Variants in GJB1 observed in about 807,000 individuals in gnomAD.
GJB1 encodes the protein gap junction protein beta 1.
GJB1 carries 1 observed loss-of-function variant against 12.0 expected under a neutral mutation model. That is an observed-to-expected ratio of 0.08 (90% confidence interval 0.03 to 0.40). The LOEUF is 0.40. Among genes scored for constraint, GJB1 ranks in the 10% least tolerant of loss-of-function variants. The pLI, the probability that GJB1 is intolerant of heterozygous loss-of-function variation, is 0.98. For synonymous variants in GJB1, 114 were observed against 102.8 expected (o/e 1.11, Z -0.66); for missense variants, 140 against 250.3 (o/e 0.56, Z 2.97).
rs776040132 is a variant in GJB1, at chrX:71,224,280, C to T, written c.573C>T (p.Thr191=). 10 of 1,208,403 alleles carry T rather than the reference C, an allele frequency of 8.3e-6. No individual in the cohort carries two copies. The South Asian group carries it at 1.1e-4, about 13-fold the overall frequency. The change falls in exon 2 of 2, where the codon ACC becomes ACT. Residue 191 remains threonine, a synonymous_variant. Transcript: ENST00000361726. The part of the protein sequence containing the change: ...VSRPTEKTVF[T]VFMLAASGIC... ...GCCCCACCGAGAAAACCGTCTTCAC[C>T]GTCTTCATGCTAGCTGCCTCTGGCA...
intron 1 of GJB1, chrX:71,217,826 A>G (rs949064183): frequency 1.3e-5 from 1 of 79,838 alleles, no homozygotes; most frequent in Non-Finnish European, 2.3e-5. Flanking sequence ...TGTCTGTGGC[A>G]CACCCCTGAA....
At chrX:71,216,568 C>T (rs190317596) in intron 1 of GJB1, among the ~76,000 whole-genome samples, 2 of 109,078 alleles carry the variant, frequency 1.8e-5, no homozygotes, top group Non-Finnish European at 3.8e-5. Context: ...ATAACCCAAG[C>T]AGAGAGCAAC....
chrX:71,222,528 C>A (rs541021984), upstream of GJB1: 1 of 95,542 alleles, frequency 1.0e-5, no homozygotes, highest in Admixed American at 1.2e-4. Flanking sequence ...GCGTGAGCAA[C>A]GGCGCCCAGC....
upstream of GJB1, chrX:71,222,894 G>C (rs1445860654): frequency 9.0e-6 from 1 of 111,547 alleles, no homozygotes. Flanking sequence ...AGCTTCTGAC[G>C]GGGCCATGGG....
rs183702021 is a variant in GJB1 at position 71,223,737 on chromosome X, C to T, written c.30C>T (p.Leu10=). 3.2e-4 allele frequency: 390 copies of T among 1,208,568 alleles called. 3 individuals carry two copies. In the East Asian group the frequency reaches 8.3e-3, roughly 26 times the overall value. Residue 10 remains leucine, a synonymous_variant, in exon 2 of 2, where the codon CTC becomes CTT. Transcript: ENST00000361726. ...ACTGGACAGGTTTGTACACCTTGCT[C>T]AGTGGCGTGAACCGGCATTCTACTG... The part of the protein sequence containing the change: MNWTGLYTL[L]SGVNRHSTAI...
chrX:71,219,076 T>C (rs999592647), upstream of GJB1, among the ~76,000 whole-genome samples: 2 of 110,404 alleles, frequency 1.8e-5, no homozygotes, highest in Admixed American at 9.8e-5. Flanking sequence ...TGACAGTGCA[T>C]GTGCAGGGGC....
intron 1 of GJB1, 84 bp from the exon 2 acceptor site, chrX:71,223,608 A>C: frequency 3.4e-6 from 3 of 887,085 alleles, no homozygotes; most frequent in Non-Finnish European, 4.9e-6. Context: ...GGAAGAGTTG[A>C]GGGGGGGTGC....
At chrX:71,223,442 AG>A in intron 1 of GJB1, 107 bp downstream of exon 1, 1 of 433,893 alleles carries the variant, frequency 2.3e-6, no homozygotes, top group Non-Finnish European at 4.0e-6. Flanking sequence ...TGGCAAAGAA[AG>A]GGGCTGGCGG....
In GJB1 at chrX:71,224,400, G is replaced by A. The variant is rs982086080; in HGVS notation, c.693G>A (p.Lys231=). 8.3e-7 allele frequency: 1 copy of A among 1,210,575 alleles called. No individual in the cohort carries two copies. The highest frequency in any genetic ancestry group is 1.7e-5 in the African/African-American group (1 of 57,806). The change falls in exon 2 of 2, where the codon AAG becomes AAA. Residue 231 remains lysine, a synonymous_variant. Transcript: ENST00000361726. ...GCCGCTCCAATCCACCTTCCCGCAAGGGCTCGGGCTTCGGCCACCGCCTCT... is the reference window on the plus strand; with the variant it reads ...GCCGCTCCAATCCACCTTCCCGCAAAGGCTCGGGCTTCGGCCACCGCCTCT... The part of the protein sequence containing the change: ...AQRRSNPPSR[K]GSGFGHRLSP...
upstream of GJB1, among the ~76,000 whole-genome samples, chrX:71,218,766 G>C (rs766459897): frequency 7.6e-5 from 8 of 105,340 alleles, no homozygotes; most frequent in South Asian, 3.0e-3. Flanking sequence ...GGCGCCTGTA[G>C]TCCCAGCTAC....
At chrX:71,221,202 A>G (rs953044359), upstream of GJB1, among the ~76,000 whole-genome samples, 1 of 111,911 alleles carries the variant, frequency 8.9e-6, no homozygotes, top group Non-Finnish European at 1.9e-5. Context: ...GCATTTCTTT[A>G]TGGCTAACTG....
At position 71,224,612 on chromosome X, in the gene GJB1, C is replaced by A; in HGVS notation, c.*53C>A. The stretch of plus-strand genomic sequence containing the variant: ...CACCCCCGACCCTGCCCTGGGCGAG[C>A]CCCTCCTTCTCCCCTGCCGGTGCAC... On this transcript the variant is annotated 3_prime_UTR_variant, in exon 2 of 2. Transcript: ENST00000361726. 1 of 953,511 alleles carries A rather than the reference C, an allele frequency of 1.0e-6. No individual in the cohort carries two copies. The highest frequency in any genetic ancestry group is 1.5e-6 in the Non-Finnish European group (1 of 681,209). The allele number at this position is 953,511 out of a possible 1,213,427, so 78.6% of individuals were successfully genotyped here.
In GJB1 at chrX:71,223,886, G is replaced by A. The variant is rs1555937082; in HGVS notation, c.179G>A (p.Cys60Tyr). The part of the protein sequence containing the change: ...SFICNTLQPG[C>Y]NSVCYDQFFP... ...ATCTGCAACACACTCCAGCCTGGCT[G>A]CAACAGCGTTTGCTATGACCAATTC... The change falls in exon 2 of 2, where the codon TGC becomes TAC. Residue 60 changes from cysteine to tyrosine, a missense_variant. Coordinates refer to ENST00000361726, the MANE Select transcript of GJB1 (RefSeq NM_000166.6). 1 of 1,210,430 alleles carries A rather than the reference G, an allele frequency of 8.3e-7. No individual in the cohort carries two copies. The highest frequency in any genetic ancestry group is 1.1e-6 in the Non-Finnish European group (1 of 894,620).
At chrX:71,219,828 A>G (rs867792613), upstream of GJB1, among the ~76,000 whole-genome samples, 4 of 92,441 alleles carry the variant, frequency 4.3e-5, no homozygotes, top group Non-Finnish European at 6.3e-5. Context: ...TTTTATTATT[A>G]TTATTATTTC....
At chrX:71,219,530 G>C (rs1426485413), upstream of GJB1, among the ~76,000 whole-genome samples, 4 of 107,817 alleles carry the variant, frequency 3.7e-5, no homozygotes, top group African/African-American at 1.4e-4. Flanking sequence ...CCAGCACTTA[G>C]GGAGGCTGAG....
chrX:71,218,752 CGG>C (rs1478104087), upstream of GJB1, among the ~76,000 whole-genome samples: 25 of 107,896 alleles, frequency 2.3e-4, no homozygotes, highest in African/African-American at 7.8e-4. Flanking sequence ...GGCGTGGTTG[CGG>C]GGGCGCCTGT....
Position 71,223,700 on chromosome X carries a change from G to A in GJB1, c.-8G>A. 1 of 1,210,452 alleles carries A rather than the reference G, an allele frequency of 8.3e-7. No homozygotes were observed. Among genetic ancestry groups the A allele is most frequent in the East Asian group, 3.0e-5 (1 of 33,814 alleles). On this transcript the variant is annotated 5_prime_UTR_variant, in exon 2 of 2. The change abolishes an upstream ATG in the 5' untranslated region. Transcript: ENST00000361726. ...TGGCTGGTGTTTTGCAGGTGTGAAT[G>A]AGGCAGGATGAACTGGACAGGTTTG... is the stretch of plus-strand genomic sequence containing the variant.
chrX:71,220,696 G>A (rs1400771870), upstream of GJB1, among the ~76,000 whole-genome samples: 2 of 101,256 alleles, frequency 2.0e-5, no homozygotes, highest in Middle Eastern at 5.1e-3. Flanking sequence ...TAGTACAGAC[G>A]GGGTTTCACC....
chrX:71,221,166 G>A (rs1027706923), upstream of GJB1, among the ~76,000 whole-genome samples: 1 of 111,022 alleles, frequency 9.0e-6, no homozygotes, highest in Non-Finnish European at 1.9e-5. Context: ...GATTACAGGC[G>A]TGAGCCACCT....
Sources: gnomAD v4.1 joint callset for allele counts (sites outside exome capture counted in the v4.1 genomes callset) on GRCh38, gnomAD v4.1.1 for gene constraint, MANE v1.5 for transcripts, NCBI Gene and HGNC (gene_info 2026-07-23, HGNC 2026-07-21) for gene names.